The following MAF variants were observed in gnomAD, a reference collection of about 807,000 sequenced individuals.
MAF encodes the protein MAF bZIP transcription factor.
MAF carries 10 observed loss-of-function variants against 22.0 expected under a neutral mutation model. The observed-to-expected ratio is 0.45, with a 90% confidence interval of 0.28 to 0.77. The LOEUF is 0.77. Ranked by LOEUF, MAF falls within the 30% of genes least tolerant of loss-of-function variation. The probability of loss-of-function intolerance (pLI) is 0.12; values close to 1 mark genes in which losing one functional copy is unlikely to be tolerated. For synonymous variants in MAF, 337 were observed against 255.8 expected, an observed-to-expected ratio of 1.32 and a Z score of -3.03; for missense variants, 544 against 548.4, an observed-to-expected ratio of 0.99 and a Z score of 0.08.
At chr16:79,388,447 T>C in the MAF span, among the ~76,000 whole-genome samples, 1 of 152,344 alleles carries the variant, frequency 6.6e-6, no homozygotes, top group Non-Finnish European at 1.5e-5. Context: ...CTATATATAG[T>C]CCATAGGATA....
At chr16:79,532,695 T>C in the MAF span, among the ~76,000 whole-genome samples, 1 of 152,194 alleles carries the variant, frequency 6.6e-6, no homozygotes, top group Non-Finnish European at 1.5e-5. Context: ...AGCATTCGTG[T>C]GTGAGTGTGT....
chr16:79,364,344 G>A, the MAF span, among the ~76,000 whole-genome samples: 1 of 152,252 alleles, frequency 6.6e-6, no homozygotes, highest in East Asian at 1.9e-4. Context: ...CTCCTAGATG[G>A]AAAAAGGACA....
the MAF span, among the ~76,000 whole-genome samples, chr16:79,216,151 T>C: frequency 6.7e-6 from 1 of 150,016 alleles, no homozygotes; most frequent in African/African-American, 2.5e-5. Flanking sequence ...GTCATGCACA[T>C]CTGTATATGT....
chr16:79,449,339 A>G, the MAF span, among the ~76,000 whole-genome samples: 2 of 152,320 alleles, frequency 1.3e-5, no homozygotes, highest in East Asian at 1.9e-4. Flanking sequence ...GAACCCTGGT[A>G]TAAACATAAC....
At chr16:79,374,162 T>A in the MAF span, among the ~76,000 whole-genome samples, 3 of 152,230 alleles carry the variant, frequency 2.0e-5, no homozygotes, top group Non-Finnish European at 4.4e-5. Flanking sequence ...CAATCCCGGT[T>A]GGTGCTTACT....
At chr16:79,203,597 C>T in the MAF span, 3 of 148,104 alleles carry the variant, frequency 2.0e-5, no homozygotes, top group Non-Finnish European at 4.5e-5. Flanking sequence ...TCTAAACAAA[C>T]AGCTTGTTTG....
the MAF span, among the ~76,000 whole-genome samples, chr16:79,369,654 G>A: frequency 6.6e-6 from 1 of 152,230 alleles, no homozygotes; most frequent in Non-Finnish European, 1.5e-5. Flanking sequence ...GAATTGTGCT[G>A]TGGCTTCTCA....
chr16:79,248,985 CT>C, the MAF span, among the ~76,000 whole-genome samples: 1 of 152,126 alleles, frequency 6.6e-6, no homozygotes, highest in Admixed American at 6.6e-5. Context: ...CACTTAACCC[CT>C]GCTGTGATTT....
At chr16:79,223,548 C>G in the MAF span, among the ~76,000 whole-genome samples, 1 of 151,954 alleles carries the variant, frequency 6.6e-6, no homozygotes, top group Non-Finnish European at 1.5e-5. Flanking sequence ...CACAAAAAAC[C>G]CTTCAAAAAA....
chr16:79,335,743 G>A, the MAF span, among the ~76,000 whole-genome samples: 8 of 152,172 alleles, frequency 5.3e-5, no homozygotes, highest in South Asian at 2.1e-4. Flanking sequence ...ATCAGGAAGC[G>A]GACACCCACA....
chr16:79,342,968 C>A, the MAF span, among the ~76,000 whole-genome samples: 2 of 152,110 alleles, frequency 1.3e-5, no homozygotes, highest in Admixed American at 6.5e-5. Flanking sequence ...CAAATCTTCT[C>A]TGGTAGTTTT....
the MAF span, among the ~76,000 whole-genome samples, chr16:79,272,723 C>A: frequency 2.0e-5 from 3 of 152,216 alleles, no homozygotes; most frequent in East Asian, 5.8e-4. Flanking sequence ...TTCTTTCCTC[C>A]CAACCATATT....
chr16:79,595,834 A>G (rs1156309188), intron 1 of MAF: 5 of 1,058,334 alleles, frequency 4.7e-6, no homozygotes, highest in Non-Finnish European at 4.6e-6. Flanking sequence ...ATTTGATAAC[A>G]TAGTTTAAAC....
At chr16:79,508,175 GA>G in the MAF span, among the ~76,000 whole-genome samples, 4 of 152,168 alleles carry the variant, frequency 2.6e-5, no homozygotes, top group Non-Finnish European at 4.4e-5. Flanking sequence ...CTGTGCAGGG[GA>G]TAATTCTGCC....
chr16:79,380,425 G>C, the MAF span, among the ~76,000 whole-genome samples: 1 of 152,146 alleles, frequency 6.6e-6, no homozygotes, highest in Non-Finnish European at 1.5e-5. Context: ...CTAACCATTA[G>C]CTTATTCAAT....
chr16:79,543,576 GC>G, the MAF span, among the ~76,000 whole-genome samples: 1 of 151,966 alleles, frequency 6.6e-6, no homozygotes. Flanking sequence ...TTGTCTCAAT[GC>G]CCCACGTTCT....
chr16:79,594,386 G>T lies in MAF; in HGVS notation c.*74C>A. The T allele has an allele frequency of 3.1e-6, 4 of 1,276,050 alleles. No homozygotes were observed. The South Asian group carries it at 5.1e-5, about 16-fold the overall frequency. The allele number at this position is 1,276,050 out of a possible 1,614,324, so 79.0% of individuals were successfully genotyped here. On this transcript the variant is annotated 3_prime_UTR_variant, in exon 2 of 2. Coordinates refer to ENST00000326043, the MANE Select transcript of MAF (RefSeq NM_005360.5). ...AAAGGAGACTAAACAGAAGTCAGGG[G>T]TAGGTGGTTCTCCATGACTGCAAAT... is the stretch of plus-strand genomic sequence containing the variant.
the MAF span, among the ~76,000 whole-genome samples, chr16:79,559,895 C>T: frequency 6.6e-6 from 1 of 152,124 alleles, no homozygotes; most frequent in South Asian, 2.1e-4. Flanking sequence ...TGTTGTGTTT[C>T]TCTCCTATAT....
the MAF span, among the ~76,000 whole-genome samples, chr16:79,559,907 T>A: frequency 6.6e-6 from 1 of 152,272 alleles, no homozygotes; most frequent in East Asian, 1.9e-4. Flanking sequence ...CTCCTATATC[T>A]ATGTCACCTT....
Sources: gnomAD v4.1 joint callset for allele counts (sites outside exome capture counted in the v4.1 genomes callset) on GRCh38, gnomAD v4.1.1 for gene constraint, MANE v1.5 for transcripts, NCBI Gene and HGNC (gene_info 2026-07-23, HGNC 2026-07-21) for gene names.